Variants in UNC13C observed in about 807,000 individuals in gnomAD.
UNC13C encodes protein unc-13 homolog C.
In UNC13C, 174 loss-of-function variants were observed where a neutral mutation model predicts 245.4. The ratio of observed to expected loss-of-function variants is 0.71; its 90% CI spans 0.63 to 0.80. UNC13C has a LOEUF of 0.80. Among genes scored for constraint, UNC13C ranks in the 30% least tolerant of loss-of-function variants. The probability of loss-of-function intolerance (pLI) is 0.00; values close to 1 mark genes in which losing one functional copy is unlikely to be tolerated. For missense variants in UNC13C, 2,829 were observed against 2,602.9 expected (o/e 1.09, Z -1.89); for synonymous variants, 992 against 895.1 (o/e 1.11, Z -1.93).
chr15:54,284,048 A>C (rs545958502), intron 10 of UNC13C, among the ~76,000 whole-genome samples: 16 of 152,310 alleles, frequency 1.1e-4, no homozygotes, highest in Admixed American at 2.6e-4. Context: ...GTCCCTTTAC[A>C]GTTGTATGAT....
chr15:54,522,971 T>A (rs1209543743), intron 24 of UNC13C, among the ~76,000 whole-genome samples: 1 of 152,220 alleles, frequency 6.6e-6, no homozygotes, highest in African/African-American at 2.4e-5. Flanking sequence ...AATTTTGATG[T>A]TATACTACTT....
chr15:54,536,605 A>T (rs7171278), intron 26 of UNC13C, among the ~76,000 whole-genome samples: 2 of 152,060 alleles, frequency 1.3e-5, no homozygotes, highest in Admixed American at 6.6e-5. Flanking sequence ...AGATCAAACC[A>T]AGCAGCATAT....
intron 2 of UNC13C, among the ~76,000 whole-genome samples, chr15:54,047,016 A>G (rs1038291323): frequency 2.0e-5 from 3 of 152,134 alleles, no homozygotes; most frequent in African/African-American, 4.8e-5. Flanking sequence ...AACGCACTCT[A>G]TAATGTACAA....
intron 2 of UNC13C, among the ~76,000 whole-genome samples, chr15:54,104,507 C>A (rs1900333796): frequency 6.6e-6 from 1 of 151,872 alleles, no homozygotes; most frequent in Non-Finnish European, 1.5e-5. Context: ...TTTTCCTTCC[C>A]TTTTTTTGTA....
chr15:54,538,396 A>G (rs1896092087), intron 26 of UNC13C, among the ~76,000 whole-genome samples: 2 of 152,038 alleles, frequency 1.3e-5, no homozygotes, highest in African/African-American at 2.4e-5. Context: ...CACTGCTGGT[A>G]GGAATGTAAG....
intron 19 of UNC13C, among the ~76,000 whole-genome samples, chr15:54,431,298 A>G (rs544209001): frequency 6.6e-6 from 1 of 151,630 alleles, no homozygotes; most frequent in Non-Finnish European, 1.5e-5. Context: ...TGCCAACTTT[A>G]CTTCTCTGAA....
intron 4 of UNC13C, among the ~76,000 whole-genome samples, chr15:54,221,404 A>G (rs756788710): frequency 1.4e-4 from 22 of 151,958 alleles, no homozygotes; most frequent in Non-Finnish European, 2.7e-4. Context: ...AGAAGGGAGG[A>G]TAACACACTC....
chr15:54,079,776 C>A (rs1426200510), intron 2 of UNC13C, among the ~76,000 whole-genome samples: 1 of 151,966 alleles, frequency 6.6e-6, no homozygotes, highest in Non-Finnish European at 1.5e-5. Flanking sequence ...TTGATTTCCT[C>A]TTTTCCTATT....
chr15:54,441,452 C>G (rs546473524), intron 19 of UNC13C, among the ~76,000 whole-genome samples: 1 of 152,144 alleles, frequency 6.6e-6, no homozygotes, highest in African/African-American at 2.4e-5. Context: ...ATGTTCTTGG[C>G]ACCTTTGGAG....
At chr15:54,369,178 T>A (rs1596293273) in intron 17 of UNC13C, among the ~76,000 whole-genome samples, 1 of 147,938 alleles carries the variant, frequency 6.8e-6, no homozygotes, top group Non-Finnish European at 1.5e-5. Context: ...CCATCTGGGA[T>A]CGATGATTAA....
the UNC13C span, among the ~76,000 whole-genome samples, chr15:53,954,583 G>A: frequency 6.6e-6 from 1 of 152,130 alleles, no homozygotes. Flanking sequence ...AGATGTCACC[G>A]TATGTTTTCA....
intron 18 of UNC13C, among the ~76,000 whole-genome samples, chr15:54,397,223 CT>C (rs1199633080): frequency 6.6e-6 from 1 of 151,392 alleles, no homozygotes; most frequent in Non-Finnish European, 1.5e-5. Flanking sequence ...TCAAGTTTAA[CT>C]TTCTTTGGAT....
At chr15:53,856,390 T>C in the UNC13C span, among the ~76,000 whole-genome samples, 54 of 152,152 alleles carry the variant, frequency 3.5e-4, no homozygotes, top group African/African-American at 1.3e-3. Flanking sequence ...TTGTTGTTGT[T>C]GAGATGTTAT....
the UNC13C span, among the ~76,000 whole-genome samples, chr15:53,943,084 C>A: frequency 5.5e-4 from 83 of 152,276 alleles, no homozygotes; most frequent in African/African-American, 2.0e-3. Context: ...TCTTTAATCA[C>A]TGGAATTGAT....
intron 19 of UNC13C, among the ~76,000 whole-genome samples, chr15:54,457,106 A>C (rs2141019065): frequency 6.6e-6 from 1 of 152,238 alleles, no homozygotes; most frequent in African/African-American, 2.4e-5. Context: ...GGATTTTATC[A>C]AATTCTATTT....
rs551553898 is a variant in UNC13C, at chr15:54,456,589, A to ATTTT, written c.4934-38018_4934-38015dup. 4.5e-3 allele frequency among the ~76,000 whole-genome samples: 595 copies of ATTTT among 131,344 alleles called. 2 individuals carry two copies. The highest frequency in any genetic ancestry group is 0.013 in the Admixed American group (157 of 12,118). 86.2% of individuals were successfully genotyped at this position (131,344 alleles called of 152,430 possible). A position where few individuals can be genotyped will look rare whatever the true frequency, so the allele number is the denominator to read the frequency against. ...TCTTTTGTTAGGTTTACTCCTATGT[A>ATTTT]TTTTATTTATTTATTTATTTATTTA... is the stretch of plus-strand genomic sequence containing the variant. On this transcript the variant is annotated intron_variant, in intron 19 of 32. Transcript: ENST00000260323.
the UNC13C span, among the ~76,000 whole-genome samples, chr15:53,889,994 G>T: frequency 6.6e-6 from 1 of 152,060 alleles, no homozygotes; most frequent in Non-Finnish European, 1.5e-5. Flanking sequence ...TGTTCATCAG[G>T]GATATTGATC....
the UNC13C span, among the ~76,000 whole-genome samples, chr15:53,901,477 C>T: frequency 3.9e-5 from 6 of 152,060 alleles, no homozygotes; most frequent in South Asian, 2.1e-4. Context: ...CTGCCTGCCT[C>T]GGCCTCCCAA....
In UNC13C at chr15:54,546,985, T is replaced by G. The variant is rs982374853; in HGVS notation, c.5820+140T>G. The G allele has an allele frequency of 9.4e-5, 74 of 785,948 alleles. No homozygotes were observed. The Admixed American group carries it at 2.0e-3, about 21-fold the overall frequency. The allele number at this position is 785,948 out of a possible 1,614,324, so 48.7% of individuals were successfully genotyped here. ...TATCCAGTTTCTTAACAATGATCAT[T>G]CAAATGATAGTTTCCTATCCAAGTC... On this transcript the variant is annotated intron_variant, in intron 27 of 32. Coordinates refer to ENST00000260323, the MANE Select transcript of UNC13C (RefSeq NM_001080534.3).
Sources: gnomAD v4.1 joint callset for allele counts (sites outside exome capture counted in the v4.1 genomes callset) on GRCh38, gnomAD v4.1.1 for gene constraint, MANE v1.5 for transcripts, NCBI Gene and HGNC (gene_info 2026-07-23, HGNC 2026-07-21) for gene names.